SLC25A21: variants seen among roughly 807,000 people sequenced by gnomAD.
SLC25A21 encodes the protein solute carrier family 25 member 21, also known as mitochondrial 2-oxodicarboxylate carrier.
In SLC25A21, 47 loss-of-function variants were observed where a neutral mutation model predicts 43.8. The observed-to-expected ratio is 1.07, with a 90% confidence interval of 0.85 to 1.37. SLC25A21 has a LOEUF of 1.37. Ranked by LOEUF, SLC25A21 falls within the 40% of genes most tolerant of loss-of-function variation. The probability of loss-of-function intolerance (pLI) is 0.00; values close to 1 mark genes in which losing one functional copy is unlikely to be tolerated. For missense variants in SLC25A21, 352 were observed against 350.2 expected (o/e 1.00, Z -0.04); for synonymous variants, 131 against 121.3 (o/e 1.08, Z -0.52).
At position 36,733,834 on chromosome 14, in the gene SLC25A21, T is replaced by C. The variant is rs79543237; in HGVS notation, c.270+673A>G. Among the ~76,000 whole-genome samples, 292 of 152,252 alleles carry C rather than the reference T, an allele frequency of 1.9e-3. 3 individuals are homozygous for C. The highest frequency in any genetic ancestry group is 6.6e-3 in the African/African-American group (273 of 41,558). On this transcript the variant is annotated intron_variant, in intron 4 of 9. Coordinates refer to ENST00000331299, the MANE Select transcript of SLC25A21 (RefSeq NM_030631.4). ...TGTCTGAGAGAAGACAGTAGTCAGA[T>C]TGAGTTCTTTTGCCCCTGGACATTC...
chr14:37,083,804 G>A (rs35516236), intron 1 of SLC25A21, among the ~76,000 whole-genome samples: 2,347 of 152,294 alleles, frequency 0.015, 104 homozygotes, highest in East Asian at 0.15. Context: ...TCTTACGCAT[G>A]CTGAAGATTG....
intron 1 of SLC25A21, among the ~76,000 whole-genome samples, chr14:37,124,213 T>C (rs929610726): frequency 6.6e-6 from 1 of 151,906 alleles, no homozygotes; most frequent in South Asian, 2.1e-4. Flanking sequence ...TACAGCACTT[T>C]GAGAGCCACA....
intron 1 of SLC25A21, among the ~76,000 whole-genome samples, chr14:36,949,365 C>A (rs1170301799): frequency 6.6e-6 from 1 of 152,106 alleles, no homozygotes; most frequent in Non-Finnish European, 1.5e-5. Context: ...TTGTATGTAT[C>A]CCAATGAAGA....
At chr14:37,142,929 T>A (rs1963595604) in intron 1 of SLC25A21, among the ~76,000 whole-genome samples, 1 of 152,192 alleles carries the variant, frequency 6.6e-6, no homozygotes, top group Non-Finnish European at 1.5e-5. Context: ...ATTTTTTTAG[T>A]TGCTAGTCAG....
intron 1 of SLC25A21, among the ~76,000 whole-genome samples, chr14:37,057,322 T>A (rs773351442): frequency 6.6e-6 from 1 of 152,358 alleles, no homozygotes; most frequent in East Asian, 1.9e-4. Context: ...GGGTCCTGAG[T>A]GCCTTGTCAT....
intron 2 of SLC25A21, among the ~76,000 whole-genome samples, chr14:36,817,890 G>C (rs942490245): frequency 9.9e-5 from 15 of 152,192 alleles, no homozygotes; most frequent in Non-Finnish European, 2.1e-4. Context: ...CACAAGTCTA[G>C]GCACTTCACT....
intron 1 of SLC25A21, among the ~76,000 whole-genome samples, chr14:37,133,922 G>C (rs1594809893): frequency 6.6e-6 from 1 of 152,136 alleles, no homozygotes; most frequent in East Asian, 1.9e-4. Context: ...GTACTGGGAG[G>C]CTCCTGCAGG....
intron 1 of SLC25A21, among the ~76,000 whole-genome samples, chr14:36,904,846 T>C (rs1242169450): frequency 6.6e-6 from 1 of 152,072 alleles, no homozygotes; most frequent in African/African-American, 2.4e-5. Flanking sequence ...CATGTGAAGA[T>C]TATGGGGATT....
chr14:37,017,328 C>T (rs1279389617), intron 1 of SLC25A21, among the ~76,000 whole-genome samples: 1 of 151,952 alleles, frequency 6.6e-6, no homozygotes, highest in Non-Finnish European at 1.5e-5. Flanking sequence ...AATAGGCAGG[C>T]CCAAGGAGAG....
chr14:37,092,700 C>A (rs577300257), intron 1 of SLC25A21, among the ~76,000 whole-genome samples: 1 of 151,752 alleles, frequency 6.6e-6, no homozygotes, highest in Non-Finnish European at 1.5e-5. Flanking sequence ...GAAAGTGGGG[C>A]GGAAAAACAA....
intron 1 of SLC25A21, among the ~76,000 whole-genome samples, chr14:36,964,249 T>A (rs925326662): frequency 1.3e-5 from 2 of 152,226 alleles, no homozygotes; most frequent in African/African-American, 4.8e-5. Context: ...GCAAACTTTC[T>A]ACACAGTGAG....
chr14:37,158,275 C>T (rs1594823562), intron 1 of SLC25A21, among the ~76,000 whole-genome samples: 1 of 151,994 alleles, frequency 6.6e-6, no homozygotes, highest in Non-Finnish European at 1.5e-5. Flanking sequence ...AAGAACAGAA[C>T]AAAAAGAGTA....
At chr14:36,934,218 C>T (rs1485743947) in intron 1 of SLC25A21, among the ~76,000 whole-genome samples, 1 of 151,996 alleles carries the variant, frequency 6.6e-6, no homozygotes, top group African/African-American at 2.4e-5. Context: ...GAGTAAAGAA[C>T]AGCTGTCTGA....
At chr14:36,861,780 C>T (rs1594648216) in intron 2 of SLC25A21, among the ~76,000 whole-genome samples, 2 of 152,314 alleles carry the variant, frequency 1.3e-5, no homozygotes, top group Non-Finnish European at 2.9e-5. Flanking sequence ...GAGCTAATCT[C>T]AGATAGACCT....
intron 1 of SLC25A21, among the ~76,000 whole-genome samples, chr14:37,108,032 T>C (rs1229078982): frequency 6.6e-6 from 1 of 152,208 alleles, no homozygotes; most frequent in African/African-American, 2.4e-5. Context: ...TGCCCTATTC[T>C]ACTACCATGG....
At chr14:36,830,797 T>C (rs947449096) in intron 2 of SLC25A21, among the ~76,000 whole-genome samples, 2 of 152,082 alleles carry the variant, frequency 1.3e-5, no homozygotes, top group Admixed American at 6.6e-5. Context: ...TGGCTTGGGA[T>C]AGAGAAAAGC....
chr14:36,711,582 C>T, intron 6 of SLC25A21, 100 bp from the exon 7 acceptor site: 1 of 1,310,186 alleles, frequency 7.6e-7, no homozygotes, highest in South Asian at 1.6e-5. Context: ...TTATTAGGGA[C>T]TTTTTTCCCC....
At chr14:36,722,848 C>G (rs1008467958) in intron 6 of SLC25A21, among the ~76,000 whole-genome samples, 3 of 152,070 alleles carry the variant, frequency 2.0e-5, no homozygotes, top group Non-Finnish European at 2.9e-5. Flanking sequence ...TTTTTTAAGT[C>G]AAATCTTTAA....
intron 1 of SLC25A21, among the ~76,000 whole-genome samples, chr14:37,040,371 GAGAGAAAGAAAGAAAGAA>G (rs1379973450): frequency 5.0e-5 from 2 of 40,122 alleles, no homozygotes; most frequent in Admixed American, 2.2e-4. Flanking sequence ...GAGAGAGAGA[GAGAGAAAGAAAGAAAGAA>G]AGAAAGAAAG....
Sources: gnomAD v4.1 joint callset for allele counts (sites outside exome capture counted in the v4.1 genomes callset) on GRCh38, gnomAD v4.1.1 for gene constraint, MANE v1.5 for transcripts, NCBI Gene and HGNC (gene_info 2026-07-23, HGNC 2026-07-21) for gene names.